Variants in STK32C observed in about 807,000 individuals in gnomAD.
STK32C encodes the protein serine/threonine kinase 32C, also known as serine/threonine-protein kinase 32C.
In STK32C, 31 loss-of-function variants were observed where a neutral mutation model predicts 56.5. The observed-to-expected ratio is 0.55, with a 90% CI of 0.41 to 0.74. STK32C has a LOEUF of 0.74. STK32C is among the 30% of genes least tolerant of loss of function. The probability of loss-of-function intolerance (pLI) is 0.00; values close to 1 mark genes in which losing one functional copy is unlikely to be tolerated. For synonymous variants in STK32C, 309 were observed against 289.4 expected, an observed-to-expected ratio of 1.07 and a Z score of -0.69; for missense variants, 544 against 676.9, an observed-to-expected ratio of 0.80 and a Z score of 2.18.
chr10:132,304,619 G>T (rs1837179302), intron 1 of STK32C, among the ~76,000 whole-genome samples: 1 of 152,222 alleles, frequency 6.6e-6, no homozygotes. Flanking sequence ...AAGGCTGGGA[G>T]GTGACACCGT....
chr10:132,300,738 G>C (rs1035367340), intron 1 of STK32C, among the ~76,000 whole-genome samples: 5 of 152,154 alleles, frequency 3.3e-5, no homozygotes, highest in Non-Finnish European at 7.3e-5. Context: ...AAGCGCTCCA[G>C]GCACAGAGAT....
chr10:132,327,313 T>C (rs748450855), intron 1 of STK32C, among the ~76,000 whole-genome samples: 1 of 152,196 alleles, frequency 6.6e-6, no homozygotes, highest in East Asian at 1.9e-4. Flanking sequence ...CCTTCCACCA[T>C]GATTGTGAGG....
intron 2 of STK32C, among the ~76,000 whole-genome samples, chr10:132,230,531 G>A (rs891126519): frequency 2.0e-5 from 3 of 152,214 alleles, no homozygotes; most frequent in African/African-American, 7.2e-5. Context: ...AACTGCTCCA[G>A]AAAGGCTGTT....
At chr10:132,236,689 C>T (rs896108384) in intron 2 of STK32C, among the ~76,000 whole-genome samples, 6 of 152,210 alleles carry the variant, frequency 3.9e-5, no homozygotes, top group Non-Finnish European at 7.4e-5. Flanking sequence ...CCAGTGGCTC[C>T]AGCCGGCAGC....
chr10:132,299,745 T>C (rs1055089147), intron 1 of STK32C, among the ~76,000 whole-genome samples: 1 of 152,248 alleles, frequency 6.6e-6, no homozygotes, highest in East Asian at 1.9e-4. Context: ...GGTAGTTTAC[T>C]AGCAGCAACA....
At position 132,307,498 on chromosome 10, in the gene STK32C, G is replaced by A; in HGVS notation, c.262+74C>T. 6.9e-7 allele frequency: 1 copy of A among 1,456,498 alleles called. No individual in the cohort carries two copies. The highest frequency in any genetic ancestry group is 2.9e-5 in the East Asian group (1 of 33,916). The allele number at this position is 1,456,498 out of a possible 1,614,324, so 90.2% of individuals were successfully genotyped here. A position where few individuals can be genotyped will look rare whatever the true frequency, so the allele number is the denominator to read the frequency against. ...CCCGGACACCGGGGGAACCCCTGCGGGAAAAAGCCGCCCAGCCGCGCCCGC... is the reference window on the plus strand; with the variant it reads ...CCCGGACACCGGGGGAACCCCTGCGAGAAAAAGCCGCCCAGCCGCGCCCGC... On this transcript the variant is annotated intron_variant, in intron 1 of 11. Transcript: ENST00000298630. The surrounding 1 kb of genome is among the most constrained non-coding windows in gnomAD (Gnocchi z 4.4).
At chr10:132,230,653 G>A (rs2063059447) in intron 2 of STK32C, among the ~76,000 whole-genome samples, 1 of 137,330 alleles carries the variant, frequency 7.3e-6, no homozygotes, top group Non-Finnish European at 1.5e-5. Flanking sequence ...TGGGGCCAGG[G>A]CTCTTGCTGC....
chr10:132,239,436 C>A (rs2063420975), intron 2 of STK32C, among the ~76,000 whole-genome samples: 1 of 152,244 alleles, frequency 6.6e-6, no homozygotes, highest in South Asian at 2.1e-4. Context: ...CCATCTTAGT[C>A]CCAACTAATG....
At chr10:132,330,709 T>C (rs1442348282) in intron 1 of STK32C, among the ~76,000 whole-genome samples, 1 of 145,062 alleles carries the variant, frequency 6.9e-6, no homozygotes. Context: ...TTGTAGAGAC[T>C]GGGTTGCCCA....
At position 132,225,741 on chromosome 10, in the gene STK32C, A is replaced by C. The variant is rs2062865280; in HGVS notation, c.682+6T>G. The C allele has an allele frequency of 1.2e-6, 2 of 1,614,086 alleles. No homozygotes were observed. Among genetic ancestry groups the C allele is most frequent in the East Asian group, 4.5e-5 (2 of 44,880 alleles). On this transcript the variant is annotated splice_donor_region_variant and intron_variant, in intron 5 of 11. Coordinates refer to ENST00000298630, the MANE Select transcript of STK32C (RefSeq NM_173575.4). ...ACCTGGGCTGCCCACACCCAACCCC[A>C]CACACCTCTCTCATCCAGGAGAATG...
intron 1 of STK32C, among the ~76,000 whole-genome samples, chr10:132,303,578 C>A (rs1037697411): frequency 6.6e-6 from 1 of 152,182 alleles, no homozygotes; most frequent in South Asian, 2.1e-4. Flanking sequence ...GCTGCCATCC[C>A]ACAGGACACA....
At chr10:132,238,026 A>G (rs1395475113) in intron 2 of STK32C, among the ~76,000 whole-genome samples, 5 of 151,624 alleles carry the variant, frequency 3.3e-5, no homozygotes, top group African/African-American at 1.2e-4. Context: ...TCCAGCCCTG[A>G]CCCTCCCAGA....
chr10:132,235,817 G>A (rs2063267756), intron 2 of STK32C, among the ~76,000 whole-genome samples: 1 of 152,214 alleles, frequency 6.6e-6, no homozygotes, highest in South Asian at 2.1e-4. Flanking sequence ...ACACAAGCCT[G>A]GCGCAGTGTG....
At chr10:132,297,863 C>T (rs996005141) in intron 1 of STK32C, among the ~76,000 whole-genome samples, 6 of 152,234 alleles carry the variant, frequency 3.9e-5, no homozygotes, top group Non-Finnish European at 8.8e-5. Context: ...AAGATGTTGA[C>T]TCCACTCCAA....
At position 132,284,566 on chromosome 10, in the gene STK32C, T is replaced by C. The variant is rs182442114; in HGVS notation, c.262+23006A>G. Among the ~76,000 whole-genome samples the C allele has an allele frequency of 7.2e-4, 109 of 152,204 alleles. 1 individual carries two copies. Among genetic ancestry groups the C allele is most frequent in the African/African-American group, 2.5e-3 (104 of 41,504 alleles). ...CCCAGTAGCATCGACTGCATGGGCC[T>C]TTCCCCTCAGACGAACAGAGCTGCA... is the stretch of plus-strand genomic sequence containing the variant. On this transcript the variant is annotated intron_variant, in intron 1 of 11. Transcript: ENST00000298630.
At chr10:132,250,577 G>A (rs189167584) in intron 1 of STK32C, among the ~76,000 whole-genome samples, 2,680 of 148,562 alleles carry the variant, frequency 0.018, 47 homozygotes, top group Non-Finnish European at 0.027. Flanking sequence ...TGTGTGAGGC[G>A]CACGGGACAG....
intron 10 of STK32C, among the ~76,000 whole-genome samples, chr10:132,214,786 G>A (rs1417301965): frequency 1.3e-5 from 2 of 152,242 alleles, no homozygotes; most frequent in Non-Finnish European, 2.9e-5. Flanking sequence ...ACATGAGGGG[G>A]CAGAGTGTCA....
intron 10 of STK32C, 117 bp from the exon 11 acceptor site, chr10:132,209,218 G>T: frequency 1.1e-6 from 1 of 941,452 alleles, no homozygotes. Flanking sequence ...TTGGATGACG[G>T]CCTCTGGGCT....
At chr10:132,300,044 C>T (rs552437993) in intron 1 of STK32C, among the ~76,000 whole-genome samples, 2 of 152,362 alleles carry the variant, frequency 1.3e-5, no homozygotes, top group Middle Eastern at 3.4e-3. Context: ...CTTGCCAAGG[C>T]CCCAGAATGC....
Sources: allele counts gnomAD v4.1 joint callset (sites outside exome capture counted in the v4.1 genomes callset), GRCh38; gene constraint gnomAD v4.1.1; non-coding constraint Gnocchi (gnomAD v3.1); transcripts MANE v1.5; gene names NCBI Gene and HGNC (gene_info 2026-07-23, HGNC 2026-07-21).